The following ADK variants were observed in gnomAD, a reference collection of about 807,000 sequenced individuals.
ADK encodes N6,N6-dimethyladenosine kinase.
A neutral mutation model predicts 44.7 loss-of-function variants in ADK; 24 were observed. That is an observed-to-expected ratio of 0.54 (90% CI 0.39 to 0.76). ADK has a LOEUF of 0.76. Among genes scored for constraint, ADK ranks in the 30% least tolerant of loss-of-function variants. The pLI, the probability that ADK is intolerant of heterozygous loss-of-function variation, is 0.00. For synonymous variants in ADK, 128 were observed against 142.6 expected (o/e 0.90, Z 0.73); for missense variants, 321 against 425.1 (o/e 0.76, Z 2.15).
intron 10 of ADK, among the ~76,000 whole-genome samples, chr10:74,707,763 CA>C (rs565886417): frequency 1.3e-3 from 140 of 104,016 alleles, no homozygotes; most frequent in East Asian, 2.0e-3. Flanking sequence ...AACTCCACCT[CA>C]AAAAAAAAAA....
intron 6 of ADK, among the ~76,000 whole-genome samples, chr10:74,470,763 G>C (rs540043300): frequency 6.6e-6 from 1 of 151,516 alleles, no homozygotes; most frequent in African/African-American, 2.4e-5. Context: ...TGTTTCCTTT[G>C]CTGTGCAATA....
intron 6 of ADK, among the ~76,000 whole-genome samples, chr10:74,484,189 C>T (rs1415471743): frequency 6.6e-6 from 1 of 152,008 alleles, no homozygotes; most frequent in African/African-American, 2.4e-5. Flanking sequence ...GCTTGGGAGG[C>T]CTCAGGAAAC....
intron 1 of ADK, among the ~76,000 whole-genome samples, chr10:74,177,401 C>G (rs1356332074): frequency 6.6e-6 from 1 of 152,150 alleles, no homozygotes; most frequent in Non-Finnish European, 1.5e-5. Flanking sequence ...ACCCTGGTTC[C>G]CGAAGGTACC....
At chr10:74,625,006 G>A (rs1357219364) in intron 9 of ADK, among the ~76,000 whole-genome samples, 2 of 152,014 alleles carry the variant, frequency 1.3e-5, no homozygotes, top group African/African-American at 4.8e-5. Flanking sequence ...TATAGATAAT[G>A]CAGTAATGTA....
Position 74,279,792 on chromosome 10 carries a change from G to T in ADK, c.195-34875G>T, listed in dbSNP as rs947551977. ...TCAGGTCTGTAATCCCAGCAAGTTG[G>T]GAGGCTGAGGCAGAGGATTGCTTGA... On this transcript the variant is annotated intron_variant, in intron 3 of 10. Transcript: ENST00000539909. Among the ~76,000 whole-genome samples the T allele has an allele frequency of 6.6e-5, 10 of 152,054 alleles. No homozygotes were observed. In the South Asian group the frequency reaches 1.9e-3, roughly 28 times the overall value.
intron 3 of ADK, among the ~76,000 whole-genome samples, chr10:74,262,099 ACCTGAGGTCAGGAGTTCAAGACCAG>A: frequency 6.6e-6 from 1 of 151,978 alleles, no homozygotes; most frequent in East Asian, 1.9e-4. Context: ...TGTGTGGATC[ACCTGAGGTCAGGAGTTCAAGACCAG>A]CCTGGCCAAC....
Position 74,525,250 on chromosome 10 carries a change from A to G in ADK, c.556-6A>G, listed in dbSNP as rs561207313. Reference sequence around the variant, plus strand: ...TCTAATTTTCCCTCCTTTTTTCTTCATCCAGGGCTTTTTTCTTACAGTTTC... The same window carrying G: ...TCTAATTTTCCCTCCTTTTTTCTTCGTCCAGGGCTTTTTTCTTACAGTTTC... On this transcript the variant is annotated splice_polypyrimidine_tract_variant and splice_region_variant and intron_variant, in intron 6 of 10. Transcript: ENST00000539909. 1.4e-5 allele frequency: 23 copies of G among 1,613,368 alleles called. No homozygotes were observed. In the Admixed American group the frequency reaches 2.5e-4, roughly 18 times the overall value.
intron 7 of ADK, among the ~76,000 whole-genome samples, chr10:74,582,310 C>CA (rs199784643): frequency 0.048 from 6,920 of 145,288 alleles, 410 homozygotes; most frequent in African/African-American, 0.14. Context: ...GACCCAATCT[C>CA]AAAAAAAAAA....
At chr10:74,416,065 CAT>C (rs1376900095) in intron 6 of ADK, among the ~76,000 whole-genome samples, 5 of 134,652 alleles carry the variant, frequency 3.7e-5, no homozygotes, top group Admixed American at 7.5e-5. Context: ...CACACACACA[CAT>C]ATATGTAATG....
intron 6 of ADK, among the ~76,000 whole-genome samples, chr10:74,461,026 A>G (rs1003729571): frequency 6.6e-6 from 1 of 152,182 alleles, no homozygotes; most frequent in African/African-American, 2.4e-5. Flanking sequence ...AATACTGCTA[A>G]TGGAGGTTGC....
rs975072083 is a variant in ADK, at chr10:74,707,306, G to A, written c.965-1015G>A. 3.3e-5 allele frequency among the ~76,000 whole-genome samples: 5 copies of A among 152,282 alleles called. No individual in the cohort carries two copies. The East Asian group carries it at 7.7e-4, about 23-fold the overall frequency. ...CCATCTTGGCCTCTCAGAGTGCTGGGATTATAGGCATGAGCCACGATGCCT... is the reference window on the plus strand; with the variant it reads ...CCATCTTGGCCTCTCAGAGTGCTGGAATTATAGGCATGAGCCACGATGCCT... On this transcript the variant is annotated intron_variant, in intron 10 of 10. Transcript: ENST00000539909.
chr10:74,528,230 G>T (rs1037197952), intron 7 of ADK: 6 of 414,980 alleles, frequency 1.4e-5, no homozygotes, highest in African/African-American at 1.0e-4. Context: ...TAAAAATCTC[G>T]ATGTAAATTG....
chr10:74,323,849 T>C (rs1050035596), intron 4 of ADK, among the ~76,000 whole-genome samples: 28 of 152,054 alleles, frequency 1.8e-4, no homozygotes, highest in Admixed American at 1.5e-3. Flanking sequence ...GGATTACAGG[T>C]GTGAGCCACC....
chr10:74,303,987 A>G (rs898734411), intron 3 of ADK, among the ~76,000 whole-genome samples: 1 of 150,926 alleles, frequency 6.6e-6, no homozygotes, highest in East Asian at 1.9e-4. Context: ...AAAAAAAGGT[A>G]TTGTCAAAAT....
chr10:74,153,234 TCTC>T (rs2132022667), intron 1 of ADK, among the ~76,000 whole-genome samples: 1 of 152,318 alleles, frequency 6.6e-6, no homozygotes, highest in African/African-American at 2.4e-5. Flanking sequence ...GGATAATAAT[TCTC>T]CACCAGGGGA....
chr10:74,186,456 A>AT (rs1011444363), intron 1 of ADK, among the ~76,000 whole-genome samples: 2 of 147,246 alleles, frequency 1.4e-5, no homozygotes, highest in Non-Finnish European at 3.0e-5. Context: ...TTTTTTTTGT[A>AT]TTTTTTGTAA....
chr10:74,433,265 T>C (rs957759944), intron 6 of ADK, among the ~76,000 whole-genome samples: 1 of 152,232 alleles, frequency 6.6e-6, no homozygotes, highest in African/African-American at 2.4e-5. Flanking sequence ...ACTGTTTGTT[T>C]GGAAACATTC....
At chr10:74,696,572 A>G (rs560017135) in intron 10 of ADK, among the ~76,000 whole-genome samples, 2 of 150,672 alleles carry the variant, frequency 1.3e-5, no homozygotes, top group Non-Finnish European at 3.0e-5. Flanking sequence ...GGTTTTCACC[A>G]TGTTAGCCAG....
chr10:74,653,361 A>C lies in ADK; in HGVS notation c.878-16822A>C, dbSNP rs147871127. Among the ~76,000 whole-genome samples the C allele has an allele frequency of 5.6e-3, 845 of 152,244 alleles. 7 individuals carry two copies. Among genetic ancestry groups the C allele is most frequent in the African/African-American group, 0.019 (796 of 41,536 alleles). ...CAGCTACACGGGAGGGTAAGGCAGG[A>C]GAATTGCTTGAACCCAGGAGGCAGA... On this transcript the variant is annotated intron_variant, in intron 9 of 10. Coordinates refer to ENST00000539909, the MANE Select transcript of ADK (RefSeq NM_006721.4).
Sources: allele counts gnomAD v4.1 joint callset (sites outside exome capture counted in the v4.1 genomes callset), GRCh38; gene constraint gnomAD v4.1.1; transcripts MANE v1.5; gene names NCBI Gene and HGNC (gene_info 2026-07-23, HGNC 2026-07-21).